ASB7: variants seen among roughly 807,000 people sequenced by gnomAD.
ASB7 encodes ankyrin repeat and SOCS box protein 7.
Under a neutral mutation model 32.5 loss-of-function variants are expected in ASB7, and 4 were observed. The observed-to-expected ratio is 0.12, with a 90% confidence interval of 0.06 to 0.28. The LOEUF is 0.28. Among genes scored for constraint, ASB7 ranks in the 10% least tolerant of loss-of-function variants. The pLI, the probability that ASB7 is intolerant of heterozygous loss-of-function variation, is 1.00. For missense variants in ASB7, 181 were observed against 407.1 expected, an observed-to-expected ratio of 0.44 and a Z score of 4.78; for synonymous variants, 172 against 155.6, an observed-to-expected ratio of 1.11 and a Z score of -0.78.
chr15:100,606,446 T>C (rs937882057), intron 2 of ASB7, among the ~76,000 whole-genome samples: 3 of 152,256 alleles, frequency 2.0e-5, no homozygotes, highest in African/African-American at 7.2e-5. Flanking sequence ...CCAAAGGAGA[T>C]TTGGGAAATA....
chr15:100,637,952 G>C (rs2039935446), intron 5 of ASB7, among the ~76,000 whole-genome samples: 1 of 146,982 alleles, frequency 6.8e-6, no homozygotes, highest in African/African-American at 2.7e-5. Context: ...TTGGAAAGCA[G>C]CTCTTTTTTT....
intron 5 of ASB7, among the ~76,000 whole-genome samples, chr15:100,639,235 G>A (rs928431819): frequency 2.6e-5 from 4 of 152,180 alleles, no homozygotes; most frequent in African/African-American, 4.8e-5. Flanking sequence ...AGTCTGTCAG[G>A]TACTTAAACT....
At chr15:100,643,686 G>T (rs1158065445) in intron 5 of ASB7, among the ~76,000 whole-genome samples, 1 of 150,692 alleles carries the variant, frequency 6.6e-6, no homozygotes, top group East Asian at 2.0e-4. Flanking sequence ...GTAGAGACGG[G>T]GTTTCACCAT....
At chr15:100,622,173 A>C (rs934338583) in intron 4 of ASB7, among the ~76,000 whole-genome samples, 10 of 147,748 alleles carry the variant, frequency 6.8e-5, no homozygotes, top group Non-Finnish European at 1.0e-4. Flanking sequence ...AAAAGAAATC[A>C]TGAAGGTATC....
chr15:100,609,457 T>TTTTTTTTA (rs1316033817), intron 2 of ASB7: 5 of 152,072 alleles, frequency 3.3e-5, no homozygotes, highest in Admixed American at 1.3e-4. Context: ...TGATTTATTA[T>TTTTTTTTA]TTTTTTTATT....
chr15:100,615,196 A>T (rs1420719292), intron 4 of ASB7, among the ~76,000 whole-genome samples: 1 of 152,222 alleles, frequency 6.6e-6, no homozygotes, highest in Non-Finnish European at 1.5e-5. Flanking sequence ...AAATCACCTA[A>T]CAACCTAGTC....
chr15:100,605,685 A>G (rs1335155899), intron 2 of ASB7, among the ~76,000 whole-genome samples: 1 of 152,188 alleles, frequency 6.6e-6, no homozygotes, highest in African/African-American at 2.4e-5. Flanking sequence ...ACGTAGGATG[A>G]TTGTCTCCTT....
chr15:100,610,102 C>G (rs181430397), intron 3 of ASB7, among the ~76,000 whole-genome samples: 11 of 152,308 alleles, frequency 7.2e-5, no homozygotes, highest in African/African-American at 2.6e-4. Context: ...AGCATTTTCT[C>G]TCATAACAGA....
Position 100,603,253 on chromosome 15 carries a change from G to A in ASB7, c.-234G>A. The stretch of plus-strand genomic sequence containing the variant: ...GAAGAAGACGCGAAAGCAGGAAGAG[G>A]TCTGCCCACCTATCAGAGAAGCAGA... On this transcript the variant is annotated 5_prime_UTR_variant, in exon 2 of 6. Coordinates refer to ENST00000332783, the MANE Select transcript of ASB7 (RefSeq NM_198243.3). 1 of 362,662 alleles carries A rather than the reference G, an allele frequency of 2.8e-6. No individual in the cohort carries two copies. The highest frequency in any genetic ancestry group is 4.9e-6 in the Non-Finnish European group (1 of 204,302). The allele number at this position is 362,662 out of a possible 1,614,324, so 22.5% of individuals were successfully genotyped here. A position where few individuals can be genotyped will look rare whatever the true frequency, so the allele number is the denominator to read the frequency against.
chr15:100,645,857 C>G lies in ASB7; in HGVS notation c.818-2466C>G. 3 of 995,964 alleles carry G rather than the reference C, an allele frequency of 3.0e-6. No homozygotes were observed. The South Asian group carries it at 3.9e-5, about 13-fold the overall frequency. 61.7% of individuals were successfully genotyped at this position (995,964 alleles called of 1,614,324 possible). A position where few individuals can be genotyped will look rare whatever the true frequency, so the allele number is the denominator to read the frequency against. On this transcript the variant is annotated intron_variant, in intron 5 of 5. Transcript: ENST00000332783. ...ACGCTAATTTCATGGTCCCAAGATA[C>G]GCTGCAGATTTCTTCAGCATCTGAC... is the stretch of plus-strand genomic sequence containing the variant.
At chr15:100,621,230 A>G (rs932124730) in intron 4 of ASB7, among the ~76,000 whole-genome samples, 3 of 152,198 alleles carry the variant, frequency 2.0e-5, no homozygotes, top group African/African-American at 7.2e-5. Context: ...TAATGATTAG[A>G]TTAAATATAA....
Position 100,648,768 on chromosome 15 carries a change from C to G in ASB7, c.*306C>G, listed in dbSNP as rs1163682346. The G allele has an allele frequency of 1.6e-5, 3 of 188,948 alleles. No individual in the cohort carries two copies. Among genetic ancestry groups the G allele is most frequent in the African/African-American group, 7.0e-5 (3 of 42,876 alleles). The allele number at this position is 188,948 out of a possible 1,614,324, so 11.7% of individuals were successfully genotyped here. A position where few individuals can be genotyped will look rare whatever the true frequency, so the allele number is the denominator to read the frequency against. ...ATTGTCTTTTCTTAAATGACACAAGCAGGTTTAGAGTGGAGAATTTACCCT... is the reference window on the plus strand; with the variant it reads ...ATTGTCTTTTCTTAAATGACACAAGGAGGTTTAGAGTGGAGAATTTACCCT... On this transcript the variant is annotated 3_prime_UTR_variant, in exon 6 of 6. Transcript: ENST00000332783.
chr15:100,636,481 C>T (rs1203702185), intron 5 of ASB7, among the ~76,000 whole-genome samples: 1 of 152,126 alleles, frequency 6.6e-6, no homozygotes, highest in Non-Finnish European at 1.5e-5. Flanking sequence ...AAAGATCCCC[C>T]AACTGTGCCT....
chr15:100,627,131 G>A (rs2039846608), intron 4 of ASB7, among the ~76,000 whole-genome samples: 1 of 151,698 alleles, frequency 6.6e-6, no homozygotes, highest in East Asian at 1.9e-4. Flanking sequence ...ATGTTTCTTT[G>A]CTTCTGTTTA....
intron 5 of ASB7, among the ~76,000 whole-genome samples, chr15:100,638,147 C>T (rs2141404831): frequency 6.6e-6 from 1 of 152,212 alleles, no homozygotes; most frequent in Non-Finnish European, 1.5e-5. Context: ...AAGCTGAGAC[C>T]TAGTGATATA....
intron 4 of ASB7, among the ~76,000 whole-genome samples, chr15:100,622,666 G>A (rs957218472): frequency 2.6e-5 from 4 of 152,116 alleles, no homozygotes; most frequent in East Asian, 1.9e-4. Flanking sequence ...ACTGATTTTC[G>A]ACAAAGATAA....
chr15:100,630,763 G>A (rs926462349), intron 5 of ASB7, among the ~76,000 whole-genome samples: 5 of 152,160 alleles, frequency 3.3e-5, no homozygotes, highest in Admixed American at 3.3e-4. Context: ...GTATCAGCTT[G>A]TGTGTACTTA....
intron 5 of ASB7, chr15:100,646,313 T>C: frequency 2.6e-6 from 1 of 388,196 alleles, no homozygotes; most frequent in South Asian, 2.3e-5. Flanking sequence ...TAAGAACCAG[T>C]CAAGATCCAT....
rs182533039 is a variant in ASB7 at position 100,612,084 on chromosome 15, G to A, written c.-51-82G>A. On this transcript the variant is annotated intron_variant, in intron 3 of 5. Transcript: ENST00000332783. ...GTAAGGTTTACTGATGTAGCAAATG[G>A]AATGTTCTGTGATATTTAATAGATG... 112 of 772,788 alleles carry A rather than the reference G, an allele frequency of 1.4e-4. No individual in the cohort carries two copies. The East Asian group carries it at 2.5e-3, about 17-fold the overall frequency. 47.9% of individuals were successfully genotyped at this position (772,788 alleles called of 1,614,324 possible). A position where few individuals can be genotyped will look rare whatever the true frequency, so the allele number is the denominator to read the frequency against.
Sources: gnomAD v4.1 joint callset for allele counts (sites outside exome capture counted in the v4.1 genomes callset) on GRCh38, gnomAD v4.1.1 for gene constraint, MANE v1.5 for transcripts, NCBI Gene and HGNC (gene_info 2026-07-23, HGNC 2026-07-21) for gene names.